Variants in GALNT10 observed in about 807,000 individuals in gnomAD.
GALNT10 encodes the protein GalNAc transferase 10.
A neutral mutation model predicts 75.0 loss-of-function variants in GALNT10; 41 were observed. The ratio of observed to expected loss-of-function variants is 0.55; its 90% CI spans 0.43 to 0.71. The LOEUF (loss-of-function observed/expected upper bound fraction) is 0.71, where lower values mean the gene tolerates loss of function less well. Among genes scored for constraint, GALNT10 ranks in the 30% least tolerant of loss-of-function variants. The probability of loss-of-function intolerance (pLI) is 0.00; values close to 1 mark genes in which losing one functional copy is unlikely to be tolerated. For missense variants in GALNT10, 727 were observed against 818.5 expected (o/e 0.89, Z 1.36); for synonymous variants, 302 against 313.0 (o/e 0.96, Z 0.37).
At chr5:154,207,021 G>A (rs117038199) in intron 1 of GALNT10, among the ~76,000 whole-genome samples, 1 of 152,324 alleles carries the variant, frequency 6.6e-6, no homozygotes, top group East Asian at 1.9e-4. Flanking sequence ...GTAACGTGCA[G>A]CCTTTGAGCT....
chr5:154,246,903 G>A (rs1165318176), intron 1 of GALNT10, among the ~76,000 whole-genome samples: 1 of 152,094 alleles, frequency 6.6e-6, no homozygotes, highest in Non-Finnish European at 1.5e-5. Flanking sequence ...GTCTTGAATG[G>A]TATTGCCTAG....
chr5:154,241,591 G>A (rs1240473998), intron 1 of GALNT10, among the ~76,000 whole-genome samples: 1 of 151,350 alleles, frequency 6.6e-6, no homozygotes, highest in African/African-American at 2.4e-5. Flanking sequence ...TATAATTATT[G>A]TGTCAACTAA....
chr5:154,383,054 C>A, intron 6 of GALNT10, among the ~76,000 whole-genome samples: 1 of 152,216 alleles, frequency 6.6e-6, no homozygotes. Context: ...CAGGTATCAT[C>A]ATTTTTTAAA....
At chr5:154,271,520 T>C (rs113669365) in intron 1 of GALNT10, among the ~76,000 whole-genome samples, 201 of 152,282 alleles carry the variant, frequency 1.3e-3, no homozygotes, top group Middle Eastern at 6.8e-3. Flanking sequence ...TTTTAGATGA[T>C]TTTGCTGCAT....
intron 4 of GALNT10, among the ~76,000 whole-genome samples, chr5:154,367,577 A>G (rs1462535445): frequency 2.0e-5 from 3 of 152,150 alleles, no homozygotes; most frequent in African/African-American, 7.2e-5. Flanking sequence ...AGTTTTGGCC[A>G]GGCACAGTGG....
intron 1 of GALNT10, among the ~76,000 whole-genome samples, chr5:154,204,840 A>G (rs1020419093): frequency 6.6e-6 from 1 of 152,146 alleles, no homozygotes. Context: ...CACCTTGCTT[A>G]TTTATTTACT....
chr5:154,405,098 C>T (rs1756245803), intron 8 of GALNT10, among the ~76,000 whole-genome samples: 1 of 152,204 alleles, frequency 6.6e-6, no homozygotes, highest in Non-Finnish European at 1.5e-5. Context: ...GCTTTCCCTC[C>T]GGGGAGCCTG....
chr5:154,264,594 G>A (rs531628201), intron 1 of GALNT10, among the ~76,000 whole-genome samples: 2 of 152,206 alleles, frequency 1.3e-5, no homozygotes, highest in South Asian at 2.1e-4. Flanking sequence ...AGTAAGAAGA[G>A]TAAATCTTTT....
chr5:154,361,595 T>C (rs1755389314), intron 4 of GALNT10, among the ~76,000 whole-genome samples: 1 of 152,200 alleles, frequency 6.6e-6, no homozygotes, highest in African/African-American at 2.4e-5. Flanking sequence ...TTAAATGTTA[T>C]TTTGTACTGA....
intron 1 of GALNT10, among the ~76,000 whole-genome samples, chr5:154,208,604 A>T (rs1775145722): frequency 6.6e-6 from 1 of 152,254 alleles, no homozygotes. Flanking sequence ...GCATTTAAAA[A>T]GTGGTACATA....
At chr5:154,201,154 C>G (rs1277526692) in intron 1 of GALNT10, among the ~76,000 whole-genome samples, 2 of 152,220 alleles carry the variant, frequency 1.3e-5, no homozygotes, top group East Asian at 3.9e-4. Flanking sequence ...GCACTTCACC[C>G]TTTCACACAA....
chr5:154,358,738 G>A (rs1258658844), intron 4 of GALNT10, among the ~76,000 whole-genome samples: 1 of 151,968 alleles, frequency 6.6e-6, no homozygotes, highest in Non-Finnish European at 1.5e-5. Context: ...GCAGGAGAGG[G>A]ATTACTGCCC....
rs754234880 is a variant in GALNT10, at chr5:154,409,756, G to C, written c.1380G>C (p.Trp460Cys). The C allele has an allele frequency of 4.3e-5, 69 of 1,611,280 alleles. No individual in the cohort carries two copies. Among genetic ancestry groups the C allele is most frequent in the Admixed American group, 8.3e-5 (5 of 60,012 alleles). The change falls in exon 9 of 12, where the codon TGG becomes TGC. Residue 460 changes from tryptophan to cysteine, a missense_variant. By Grantham distance (215) the Trp-to-Cys change is radical. Transcript: ENST00000297107. The surrounding 1 kb of genome is among the most constrained non-coding windows in gnomAD (Gnocchi z 4.5). The stretch of plus-strand genomic sequence containing the variant: ...CCGTGGAGCCCCCGGCTGCAGCTTG[G>C]GGGGAGGTGAGTCTGGAGGGCAGGG... Reference protein sequence around the residue: ...YPPVEPPAAAWGEIRNVGTGL... With the variant: ...YPPVEPPAAACGEIRNVGTGL...
intron 1 of GALNT10, among the ~76,000 whole-genome samples, chr5:154,250,886 A>G (rs1055958126): frequency 1.3e-5 from 2 of 152,156 alleles, no homozygotes; most frequent in Non-Finnish European, 2.9e-5. Context: ...AGAATTTGCC[A>G]CATGTCTGGT....
intron 4 of GALNT10, among the ~76,000 whole-genome samples, chr5:154,340,443 C>T (rs1489389040): frequency 6.6e-6 from 1 of 152,198 alleles, no homozygotes; most frequent in Middle Eastern, 3.4e-3. Flanking sequence ...TCTCTGTGTG[C>T]CCCGCCTGCT....
intron 4 of GALNT10, among the ~76,000 whole-genome samples, chr5:154,363,699 G>C (rs970064570): frequency 6.6e-6 from 1 of 152,060 alleles, no homozygotes; most frequent in East Asian, 1.9e-4. Context: ...TGGGGAGAGA[G>C]GTTTGAGTGG....
At chr5:154,341,076 C>G (rs978832487) in intron 4 of GALNT10, among the ~76,000 whole-genome samples, 16 of 152,128 alleles carry the variant, frequency 1.1e-4, no homozygotes, top group African/African-American at 3.9e-4. Flanking sequence ...GGAATTTTTA[C>G]ATCATTATAG....
At chr5:154,271,675 C>T (rs919570839) in intron 1 of GALNT10, among the ~76,000 whole-genome samples, 1 of 152,134 alleles carries the variant, frequency 6.6e-6, no homozygotes, top group Non-Finnish European at 1.5e-5. Context: ...ATATTTTAGA[C>T]AATGTCCCAG....
At chr5:154,315,809 G>T (rs1162253361) in intron 3 of GALNT10, among the ~76,000 whole-genome samples, 1 of 152,216 alleles carries the variant, frequency 6.6e-6, no homozygotes, top group Non-Finnish European at 1.5e-5. Context: ...TGACTGACCT[G>T]ATCAGCATAT....
Sources: allele counts gnomAD v4.1 joint callset (sites outside exome capture counted in the v4.1 genomes callset), GRCh38; gene constraint gnomAD v4.1.1; non-coding constraint Gnocchi (gnomAD v3.1); transcripts MANE v1.5; gene names NCBI Gene and HGNC (gene_info 2026-07-23, HGNC 2026-07-21).